The following CEP152 variants were observed in gnomAD, a reference collection of about 807,000 sequenced individuals.
The protein encoded by CEP152 is centrosomal protein 152.
Under a neutral mutation model 188.9 loss-of-function variants are expected in CEP152, and 132 were observed. That is an observed-to-expected ratio of 0.70 (90% CI 0.61 to 0.81). The LOEUF (loss-of-function observed/expected upper bound fraction) is 0.81. Among genes scored for constraint, CEP152 ranks in the 30% least tolerant of loss-of-function variants. The pLI, the probability that CEP152 is intolerant of heterozygous loss-of-function variation, is 0.00. For missense variants in CEP152, 1,914 were observed against 1,969.8 expected (o/e 0.97, Z 0.54); for synonymous variants, 649 against 666.6 (o/e 0.97, Z 0.41).
intron 21 of CEP152, among the ~76,000 whole-genome samples, chr15:48,749,626 T>G (rs1372974930): frequency 6.6e-6 from 1 of 151,818 alleles, no homozygotes; most frequent in East Asian, 1.9e-4. Context: ...AAACACAACC[T>G]GAATCAACCA....
In CEP152 at chr15:48,797,937, C is replaced by T. The variant is rs75503597; in HGVS notation, c.191+11G>A. 0.028 allele frequency: 45,210 copies of T among 1,608,296 alleles called. 1,017 individuals are homozygous for T. The highest frequency in any genetic ancestry group is 0.079 in the East Asian group (3,555 of 44,848). On this transcript the variant is annotated intron_variant, in intron 3 of 26. Coordinates refer to ENST00000380950, the MANE Select transcript of CEP152 (RefSeq NM_001194998.2). ...TGCAATATACAAGTGAAAGTGACTT[C>T]AGGTGCTTACTGTCCGTCTGTGCCA... is the stretch of plus-strand genomic sequence containing the variant.
At chr15:48,809,131 T>G (rs1213333063) in intron 1 of CEP152, among the ~76,000 whole-genome samples, 3 of 152,236 alleles carry the variant, frequency 2.0e-5, no homozygotes, top group African/African-American at 7.2e-5. Context: ...AGCATTGTTT[T>G]TGCTTCATCT....
intron 20 of CEP152, among the ~76,000 whole-genome samples, chr15:48,754,986 C>G (rs1894151438): frequency 6.6e-6 from 1 of 151,508 alleles, no homozygotes; most frequent in Admixed American, 6.6e-5. Context: ...TCTTAAGTCT[C>G]AACTCTATTA....
In CEP152 at chr15:48,795,944, T is replaced by C. The variant is rs1897259835; in HGVS notation, c.691+66A>G. 2.2e-6 allele frequency: 3 copies of C among 1,372,016 alleles called. No homozygotes were observed. In the Admixed American group the frequency reaches 5.1e-5, roughly 23 times the overall value. 85.0% of individuals were successfully genotyped at this position (1,372,016 alleles called of 1,614,324 possible). A position where few individuals can be genotyped will look rare whatever the true frequency, so the allele number is the denominator to read the frequency against. On this transcript the variant is annotated intron_variant, in intron 6 of 26. Transcript: ENST00000380950. ...AATAATTCTTGAATGTGCTCAAATA[T>C]TCATTGTGTATTCAAATTTCCCCAA...
chr15:48,774,176 TAG>T (rs1220649589), intron 12 of CEP152, among the ~76,000 whole-genome samples: 1 of 151,960 alleles, frequency 6.6e-6, no homozygotes, highest in Non-Finnish European at 1.5e-5. Flanking sequence ...CACATAGATA[TAG>T]AAATAAAACT....
chr15:48,760,887 G>T (rs1894636185), intron 18 of CEP152, among the ~76,000 whole-genome samples: 1 of 151,976 alleles, frequency 6.6e-6, no homozygotes, highest in Admixed American at 6.6e-5. Flanking sequence ...AATACACACA[G>T]ATATGCAGAT....
chr15:48,781,423 T>C (rs1160088779), intron 11 of CEP152, 64 bp from the exon 12 acceptor site: 5 of 1,391,580 alleles, frequency 3.6e-6, no homozygotes, highest in Non-Finnish European at 5.0e-6. Flanking sequence ...TCAGTCATTC[T>C]GTTTCAAAAT....
At chr15:48,743,121 A>T (rs540585874) in intron 24 of CEP152, among the ~76,000 whole-genome samples, 1 of 152,350 alleles carries the variant, frequency 6.6e-6, no homozygotes, top group South Asian at 2.1e-4. Flanking sequence ...CTTCCCAATT[A>T]ATACATTATT....
chr15:48,741,367 C>G, intron 26 of CEP152: 1 of 1,338,816 alleles, frequency 7.5e-7, no homozygotes, highest in Non-Finnish European at 9.6e-7. Context: ...AAAATCTTTT[C>G]TATCATTTCG....
intron 12 of CEP152, among the ~76,000 whole-genome samples, chr15:48,775,426 TGACA>T (rs538456816): frequency 6.2e-4 from 94 of 152,262 alleles, no homozygotes; most frequent in African/African-American, 2.2e-3. Flanking sequence ...TATACATTAC[TGACA>T]GAAACACTAA....
chr15:48,789,091 A>C, intron 8 of CEP152, 90 bp from the exon 9 acceptor site: 2 of 1,169,558 alleles, frequency 1.7e-6, no homozygotes, highest in South Asian at 2.5e-5. Context: ...TTTACTATAA[A>C]ATAAAACTCA....
At chr15:48,766,135 A>C (rs1219237756) in intron 17 of CEP152, among the ~76,000 whole-genome samples, 2 of 152,190 alleles carry the variant, frequency 1.3e-5, no homozygotes, top group African/African-American at 4.8e-5. Context: ...ATATGTATAC[A>C]TGGCACATTT....
chr15:48,799,984 C>T (rs940601924), intron 2 of CEP152, among the ~76,000 whole-genome samples: 1 of 152,062 alleles, frequency 6.6e-6, no homozygotes, highest in Non-Finnish European at 1.5e-5. Context: ...TTCTTGTAAA[C>T]CTTCAGTAAG....
At chr15:48,787,383 C>G (rs1896732090) in intron 9 of CEP152, among the ~76,000 whole-genome samples, 1 of 151,894 alleles carries the variant, frequency 6.6e-6, no homozygotes, top group Non-Finnish European at 1.5e-5. Context: ...TTTGCCCAGG[C>G]TAGTCTTGAA....
chr15:48,752,730 G>C (rs527684536), intron 20 of CEP152, among the ~76,000 whole-genome samples: 1 of 152,222 alleles, frequency 6.6e-6, no homozygotes, highest in East Asian at 1.9e-4. Flanking sequence ...AGAAGATATG[G>C]TTTGCACATT....
chr15:48,807,782 T>C (rs2899421), intron 1 of CEP152, among the ~76,000 whole-genome samples: 5,330 of 152,276 alleles, frequency 0.035, 251 homozygotes, highest in East Asian at 0.22. Context: ...TGCCATCAAC[T>C]GATGTTGATT....
At position 48,789,315 on chromosome 15, in the gene CEP152, G is replaced by GC. The variant is rs11432892; in HGVS notation, c.973-315dup. 3,142 of 415,662 alleles carry GC rather than the reference G, an allele frequency of 7.6e-3. 97 individuals are homozygous for GC. Among genetic ancestry groups the GC allele is most frequent in the African/African-American group, 0.058 (2,900 of 49,732 alleles). 25.7% of individuals were successfully genotyped at this position (415,662 alleles called of 1,614,324 possible). ...CACGGAATCTGCTGATGCCGTGATG[G>GC]CCCCAGTGCTGTTTGCATTGCTCTA... On this transcript the variant is annotated intron_variant, in intron 8 of 26. Coordinates refer to ENST00000380950, the MANE Select transcript of CEP152 (RefSeq NM_001194998.2).
chr15:48,774,067 CA>C (rs146211887), intron 12 of CEP152, among the ~76,000 whole-genome samples: 2,554 of 151,902 alleles, frequency 0.017, 78 homozygotes, highest in African/African-American at 0.058. Context: ...AGAAAAGACT[CA>C]AATTAAACTT....
chr15:48,781,472 AAATAT>A, intron 11 of CEP152, 113 bp from the exon 12 acceptor site: 1 of 765,374 alleles, frequency 1.3e-6, no homozygotes, highest in Non-Finnish European at 2.2e-6. Flanking sequence ...AAACTTCTTC[AAATAT>A]ATTATTAGTA....
Sources: allele counts gnomAD v4.1 joint callset (sites outside exome capture counted in the v4.1 genomes callset), GRCh38; gene constraint gnomAD v4.1.1; transcripts MANE v1.5; gene names NCBI Gene and HGNC (gene_info 2026-07-23, HGNC 2026-07-21).